HDAC9: variants seen among roughly 807,000 people sequenced by gnomAD.
HDAC9 encodes histone deacetylase 9.
HDAC9 carries 41 observed loss-of-function variants against 139.4 expected under a neutral mutation model. The ratio of observed to expected loss-of-function variants is 0.29; its 90% CI spans 0.23 to 0.38. The LOEUF (loss-of-function observed/expected upper bound fraction) is 0.38. Among genes scored for constraint, HDAC9 ranks in the 10% least tolerant of loss-of-function variants. The pLI, the probability that HDAC9 is intolerant of heterozygous loss-of-function variation, is 1.00. For synonymous variants in HDAC9, 517 were observed against 476.2 expected, an observed-to-expected ratio of 1.09 and a Z score of -1.12; for missense variants, 1,147 against 1,297.0, an observed-to-expected ratio of 0.88 and a Z score of 1.78.
At chr7:18,396,005 A>G (rs528666138) in intron 1 of HDAC9, among the ~76,000 whole-genome samples, 20 of 152,042 alleles carry the variant, frequency 1.3e-4, no homozygotes, top group Non-Finnish European at 2.2e-4. Flanking sequence ...ATTAGGAAGG[A>G]TGTAGGGACA....
At chr7:18,649,622 A>G (rs1788618425) in intron 11 of HDAC9, among the ~76,000 whole-genome samples, 1 of 151,686 alleles carries the variant, frequency 6.6e-6, no homozygotes, top group African/African-American at 2.4e-5. Flanking sequence ...GATGTAAGAA[A>G]CAAACAAAAC....
At chr7:18,358,549 C>G (rs917090947) in intron 1 of HDAC9, among the ~76,000 whole-genome samples, 1 of 152,104 alleles carries the variant, frequency 6.6e-6, no homozygotes, top group Admixed American at 6.6e-5. Context: ...AGTGTTTTCT[C>G]TCTGAGGGTT....
intron 1 of HDAC9, among the ~76,000 whole-genome samples, chr7:18,307,947 G>A (rs1020468175): frequency 5.3e-5 from 8 of 152,126 alleles, no homozygotes; most frequent in Non-Finnish European, 1.2e-4. Context: ...TGCACCAATG[G>A]TTCTCCATCT....
chr7:18,901,446 C>G (rs761960764), intron 22 of HDAC9, among the ~76,000 whole-genome samples: 42 of 152,152 alleles, frequency 2.8e-4, no homozygotes, highest in South Asian at 1.4e-3. Context: ...TCAACTGCAT[C>G]AATTGAACAC....
intron 1 of HDAC9, among the ~76,000 whole-genome samples, chr7:18,142,890 T>G (rs1202658917): frequency 1.3e-5 from 2 of 152,240 alleles, no homozygotes; most frequent in Non-Finnish European, 2.9e-5. Flanking sequence ...CACCATTATA[T>G]GATGCTGAGG....
At chr7:18,379,104 TTC>T (rs745953704) in intron 1 of HDAC9, among the ~76,000 whole-genome samples, 9 of 152,174 alleles carry the variant, frequency 5.9e-5, no homozygotes, top group Non-Finnish European at 1.0e-4. Flanking sequence ...CATAAATAAC[TTC>T]TCTGTTTTAA....
intron 19 of HDAC9, among the ~76,000 whole-genome samples, chr7:18,833,514 C>T (rs1364943940): frequency 6.6e-6 from 1 of 152,120 alleles, no homozygotes; most frequent in Non-Finnish European, 1.5e-5. Context: ...TTTTATTTGT[C>T]CATTTTCTAG....
Position 18,455,236 on chromosome 7 carries a change from C to T in HDAC9, c.-41-41026C>T, listed in dbSNP as rs78510579. On this transcript the variant is annotated intron_variant, in intron 1 of 3. Coordinates refer to the HDAC9 transcript ENST00000413509. ...CATGTAAATAAAGATAAAATTAGTT[C>T]TGTTTTTTCAGTTTAAGTTCAAGTT... 4.9e-4 allele frequency among the ~76,000 whole-genome samples: 75 copies of T among 151,914 alleles called. No individual in the cohort carries two copies. In the East Asian group the frequency reaches 9.5e-3, roughly 19 times the overall value.
intron 23 of HDAC9, among the ~76,000 whole-genome samples, chr7:18,950,910 C>G (rs1404036350): frequency 6.6e-6 from 1 of 151,954 alleles, no homozygotes; most frequent in African/African-American, 2.4e-5. Context: ...TTAATAGATC[C>G]TTTGCTTGAT....
upstream of HDAC9, among the ~76,000 whole-genome samples, chr7:18,494,994 G>C (rs552839606): frequency 6.6e-6 from 1 of 152,064 alleles, no homozygotes; most frequent in African/African-American, 2.4e-5. Context: ...GGATGGATGC[G>C]ATAAAATTCA....
At chr7:18,991,809 A>T (rs899513721) in intron 25 of HDAC9, among the ~76,000 whole-genome samples, 1 of 152,238 alleles carries the variant, frequency 6.6e-6, no homozygotes, top group Non-Finnish European at 1.5e-5. Flanking sequence ...TTGAATAACA[A>T]GAAGGTATTG....
intron 16 of HDAC9, among the ~76,000 whole-genome samples, chr7:18,787,687 CT>C (rs1296142283): frequency 6.6e-6 from 1 of 152,148 alleles, no homozygotes; most frequent in South Asian, 2.1e-4. Context: ...ACAGCATATC[CT>C]TAGAGACTTC....
chr7:18,958,636 T>C (rs1433896254), intron 24 of HDAC9, among the ~76,000 whole-genome samples: 2 of 152,196 alleles, frequency 1.3e-5, no homozygotes, highest in East Asian at 3.9e-4. Context: ...CCGTATCTTT[T>C]GCACAGTCTC....
intron 1 of HDAC9, among the ~76,000 whole-genome samples, chr7:18,142,428 A>G (rs886977315): frequency 4.6e-5 from 7 of 152,248 alleles, no homozygotes; most frequent in African/African-American, 1.2e-4. Context: ...TCCCTATTAA[A>G]AAAATACACG....
intron 23 of HDAC9, among the ~76,000 whole-genome samples, chr7:18,942,336 C>T (rs1213397262): frequency 2.0e-5 from 3 of 151,910 alleles, no homozygotes; most frequent in Non-Finnish European, 4.4e-5. Flanking sequence ...ATTAAGACTT[C>T]TTGGAATTGT....
chr7:18,859,702 C>T (rs1389297658), intron 21 of HDAC9, among the ~76,000 whole-genome samples: 2 of 150,534 alleles, frequency 1.3e-5, no homozygotes, highest in East Asian at 3.9e-4. Flanking sequence ...TTCTATAAAC[C>T]ACAGAACATT....
At chr7:18,869,045 G>T (rs1798704386) in intron 21 of HDAC9, among the ~76,000 whole-genome samples, 1 of 152,044 alleles carries the variant, frequency 6.6e-6, no homozygotes, top group Admixed American at 6.6e-5. Context: ...GTCAGTAAGT[G>T]CTTCTCTGAG....
At chr7:18,537,366 A>G (rs1338118493) in intron 2 of HDAC9, among the ~76,000 whole-genome samples, 1 of 152,208 alleles carries the variant, frequency 6.6e-6, no homozygotes, top group Non-Finnish European at 1.5e-5. Flanking sequence ...GAGAGGAGCC[A>G]ATAGACTTGA....
At chr7:18,128,628 G>C (rs1784818637) in intron 1 of HDAC9, among the ~76,000 whole-genome samples, 1 of 152,118 alleles carries the variant, frequency 6.6e-6, no homozygotes, top group Non-Finnish European at 1.5e-5. Flanking sequence ...TGGAAAGGCT[G>C]TTCCCCAAGG....
Sources: allele counts gnomAD v4.1 joint callset (sites outside exome capture counted in the v4.1 genomes callset), GRCh38; gene constraint gnomAD v4.1.1; transcripts MANE v1.5; gene names NCBI Gene and HGNC (gene_info 2026-07-23, HGNC 2026-07-21).